Variants in KCNJ6 observed in about 807,000 individuals in gnomAD.
KCNJ6 encodes G protein-activated inward rectifier potassium channel 2.
Under a neutral mutation model 34.2 loss-of-function variants are expected in KCNJ6, and 9 were observed. The ratio of observed to expected loss-of-function variants is 0.26; its 90% confidence interval spans 0.16 to 0.46. The LOEUF (loss-of-function observed/expected upper bound fraction) is 0.46, where lower values mean the gene tolerates loss of function less well. Ranked by LOEUF, KCNJ6 falls within the 20% of genes least tolerant of loss-of-function variation. KCNJ6 has a pLI of 1.00. For synonymous variants in KCNJ6, 196 were observed against 207.1 expected (o/e 0.95, Z 0.46); for missense variants, 236 against 531.3 (o/e 0.44, Z 5.46).
intron 3 of KCNJ6, among the ~76,000 whole-genome samples, chr21:37,677,231 TCCGGTACA>T (rs1339843816): frequency 6.6e-6 from 1 of 152,174 alleles, no homozygotes; most frequent in African/African-American, 2.4e-5. Flanking sequence ...GGGAGAGGAC[TCCGGTACA>T]CAGCCTGGGA....
intron 2 of KCNJ6, among the ~76,000 whole-genome samples, chr21:37,747,016 T>C (rs1183290637): frequency 3.4e-4 from 51 of 152,184 alleles, no homozygotes; most frequent in Admixed American, 3.3e-3. Flanking sequence ...AGTGGAACAC[T>C]TGAATGTGTG....
chr21:37,631,378 T>C (rs1395045995), intron 3 of KCNJ6, among the ~76,000 whole-genome samples: 1 of 152,222 alleles, frequency 6.6e-6, no homozygotes, highest in African/African-American at 2.4e-5. Context: ...AGCTAAAATA[T>C]AATACAATGC....
rs2054232550 is a variant in KCNJ6, at chr21:37,608,681, G to A, written c.*16478C>T. 1 of 152,226 alleles carries A rather than the reference G, an allele frequency of 6.6e-6. No individual in the cohort carries two copies. The highest frequency in any genetic ancestry group is 2.4e-5 in the African/African-American group (1 of 41,460). The allele number at this position is 152,226 out of a possible 1,614,324, so 9.4% of individuals were successfully genotyped here. A position where few individuals can be genotyped will look rare whatever the true frequency, so the allele number is the denominator to read the frequency against. On this transcript the variant is annotated 3_prime_UTR_variant, in exon 4 of 4. Coordinates refer to ENST00000609713, the MANE Select transcript of KCNJ6 (RefSeq NM_002240.5). ...GTGGGAAGCAGTATTTTCTCACAGG[G>A]TTTTGTGTGGTTCGATGCACTTAGC...
At chr21:37,693,863 G>T (rs1410483374) in intron 3 of KCNJ6, among the ~76,000 whole-genome samples, 1 of 151,934 alleles carries the variant, frequency 6.6e-6, no homozygotes, top group Non-Finnish European at 1.5e-5. Flanking sequence ...CATTCCTGCA[G>T]AAATACTTTT....
chr21:37,663,066 T>C (rs964285248), intron 3 of KCNJ6, among the ~76,000 whole-genome samples: 2 of 152,098 alleles, frequency 1.3e-5, no homozygotes, highest in African/African-American at 4.8e-5. Context: ...AAAAATTTAA[T>C]ATATTAGGAT....
chr21:37,787,912 G>T (rs2055199753), intron 2 of KCNJ6, among the ~76,000 whole-genome samples: 1 of 152,196 alleles, frequency 6.6e-6, no homozygotes, highest in South Asian at 2.1e-4. Flanking sequence ...AATAATAATA[G>T]GGTTGGAGAA....
At chr21:37,818,207 C>CGCGTGT (rs1491147193) in intron 2 of KCNJ6, among the ~76,000 whole-genome samples, 1 of 80,960 alleles carries the variant, frequency 1.2e-5, no homozygotes, top group African/African-American at 5.5e-5. Context: ...TGTGTGTGTG[C>CGCGTGT]GTGCGTGTGT....
At chr21:37,913,195 G>A (rs549300538) in intron 1 of KCNJ6, among the ~76,000 whole-genome samples, 2 of 152,342 alleles carry the variant, frequency 1.3e-5, no homozygotes, top group South Asian at 2.1e-4. Flanking sequence ...CCAGCTTCTC[G>A]TAAAGTGAGA....
At chr21:37,808,443 C>T (rs193114029) in intron 2 of KCNJ6, among the ~76,000 whole-genome samples, 21 of 152,314 alleles carry the variant, frequency 1.4e-4, no homozygotes, top group African/African-American at 4.8e-4. Context: ...AGCAAACATC[C>T]TACCACCTCC....
rs1555855559 is a variant in KCNJ6 at position 37,914,008 on chromosome 21, G to GGTGTGTGGGTGTGTGTGTGT, written c.-28+1875_-28+1876insACACACACACACCCACACAC. 6.6e-5 allele frequency among the ~76,000 whole-genome samples: 9 copies of GGTGTGTGGGTGTGTGTGTGT among 135,584 alleles called. No homozygotes were observed. The South Asian group carries it at 7.8e-4, about 12-fold the overall frequency. The allele number at this position is 135,584 out of a possible 152,430, so 88.9% of individuals were successfully genotyped here. A position where few individuals can be genotyped will look rare whatever the true frequency, so the allele number is the denominator to read the frequency against. ...GCAACCCTCGTCAGAGGCGGATCGGGGTGTGTGTGTGTGTGTGTGTGTGTG... is the reference window on the plus strand; with the variant it reads ...GCAACCCTCGTCAGAGGCGGATCGGGGTGTGTGGGTGTGTGTGTGTGTGTGTGTGTGTGTGTGTGTGTGTG... On this transcript the variant is annotated intron_variant, in intron 1 of 3. Transcript: ENST00000609713.
intron 1 of KCNJ6, among the ~76,000 whole-genome samples, chr21:37,899,100 T>A (rs1401309965): frequency 1.3e-5 from 2 of 152,184 alleles, no homozygotes; most frequent in African/African-American, 4.8e-5. Flanking sequence ...CTTTAATAAG[T>A]ATACTTTTCT....
chr21:37,716,175 T>C (rs1273607851), intron 2 of KCNJ6, among the ~76,000 whole-genome samples: 1 of 152,158 alleles, frequency 6.6e-6, no homozygotes, highest in Non-Finnish European at 1.5e-5. Flanking sequence ...AATTTCAGGG[T>C]TTAAAAAACA....
At chr21:37,737,098 G>A (rs144886689) in intron 2 of KCNJ6, among the ~76,000 whole-genome samples, 9 of 152,112 alleles carry the variant, frequency 5.9e-5, no homozygotes, top group Admixed American at 2.0e-4. Context: ...GTTACGGGGG[G>A]ATCTGCAGAG....
chr21:37,677,787 T>TCCACCCAC (rs1569443668), intron 3 of KCNJ6, among the ~76,000 whole-genome samples: 11 of 137,730 alleles, frequency 8.0e-5, no homozygotes, highest in Non-Finnish European at 1.5e-4. Flanking sequence ...CATCCATCCA[T>TCCACCCAC]CCACCCACCT....
At chr21:37,767,856 T>TA (rs2055098976) in intron 2 of KCNJ6, among the ~76,000 whole-genome samples, 2 of 152,340 alleles carry the variant, frequency 1.3e-5, no homozygotes, top group African/African-American at 4.8e-5. Flanking sequence ...ATGTTTCCAC[T>TA]AAAAAAGTGT....
chr21:37,797,262 G>T (rs1156267119), intron 2 of KCNJ6, among the ~76,000 whole-genome samples: 5 of 151,970 alleles, frequency 3.3e-5, no homozygotes, highest in Admixed American at 1.3e-4. Context: ...TGTTGGTCAG[G>T]CTGGTTTCCA....
In KCNJ6 at chr21:37,712,797, C is replaced by G. The variant is rs2054768920; in HGVS notation, c.946+1414G>C. Among the ~76,000 whole-genome samples the G allele has an allele frequency of 2.1e-5, 3 of 144,052 alleles. No individual in the cohort carries two copies. The South Asian group carries it at 7.0e-4, about 34-fold the overall frequency. 94.5% of individuals were successfully genotyped at this position (144,052 alleles called of 152,430 possible). On this transcript the variant is annotated intron_variant, in intron 3 of 3. Coordinates refer to ENST00000609713, the MANE Select transcript of KCNJ6 (RefSeq NM_002240.5). ...CTTCCCTTCTACTTCTCCCTTCTATCTCCCTTCCTCCTCCCCACCCAACTA... is the reference window on the plus strand; with the variant it reads ...CTTCCCTTCTACTTCTCCCTTCTATGTCCCTTCCTCCTCCCCACCCAACTA...
intron 2 of KCNJ6, among the ~76,000 whole-genome samples, chr21:37,733,649 C>T (rs2054897762): frequency 1.3e-5 from 2 of 152,124 alleles, no homozygotes; most frequent in South Asian, 2.1e-4. Context: ...TAAAAGAAAG[C>T]TTGATGTGTC....
chr21:37,805,936 A>G (rs917980868), intron 2 of KCNJ6, among the ~76,000 whole-genome samples: 2 of 152,228 alleles, frequency 1.3e-5, no homozygotes, highest in African/African-American at 4.8e-5. Flanking sequence ...CATCTGAATT[A>G]CAAACTTCTG....
Sources: gnomAD v4.1 joint callset for allele counts (sites outside exome capture counted in the v4.1 genomes callset) on GRCh38, gnomAD v4.1.1 for gene constraint, MANE v1.5 for transcripts, NCBI Gene and HGNC (gene_info 2026-07-23, HGNC 2026-07-21) for gene names.